VCL: variants seen among roughly 807,000 people sequenced by gnomAD.
The protein encoded by VCL is vinculin.
VCL carries 47 observed loss-of-function variants against 125.7 expected under a neutral mutation model. The observed-to-expected ratio is 0.37, with a 90% confidence interval of 0.30 to 0.48. The LOEUF (loss-of-function observed/expected upper bound fraction) is 0.48. Ranked by LOEUF, VCL falls within the 20% of genes least tolerant of loss-of-function variation. The pLI, the probability that VCL is intolerant of heterozygous loss-of-function variation, is 0.99. For missense variants in VCL, 1,069 were observed against 1,455.5 expected, an observed-to-expected ratio of 0.73 and a Z score of 4.32; for synonymous variants, 458 against 514.6, an observed-to-expected ratio of 0.89 and a Z score of 1.49.
At position 74,016,136 on chromosome 10, in the gene VCL, GAC is replaced by G. The variant is rs1310365294; in HGVS notation, c.168+17763_168+17764del. 1.9e-4 allele frequency among the ~76,000 whole-genome samples: 29 copies of G among 152,048 alleles called. No individual in the cohort carries two copies. In the East Asian group the frequency reaches 5.2e-3, roughly 27 times the overall value. On this transcript the variant is annotated intron_variant, in intron 1 of 21. Coordinates refer to ENST00000211998, the MANE Select transcript of VCL (RefSeq NM_014000.3). ...ATGAGCCACCACATCCAGCCTAAATGACAGTCTTTTTCCCTTCTATAATTCCC... is the reference window on the plus strand; with the variant it reads ...ATGAGCCACCACATCCAGCCTAAATGAGTCTTTTTCCCTTCTATAATTCCC...
rs781079975 is a variant in VCL at position 74,094,452 on chromosome 10, C to T, written c.1534C>T (p.Arg512Cys). Reference sequence around the variant, plus strand: ...GATTGATAATCCCACAGTGGATGACCGTGGAGTCGGTAAGGGCAGCAGTGC... The same window carrying T: ...GATTGATAATCCCACAGTGGATGACTGTGGAGTCGGTAAGGGCAGCAGTGC... ...RWIDNPTVDD[R>C]GVGQAAIRGL... The change falls in exon 11 of 22, where the codon CGT becomes TGT. Residue 512 changes from arginine (R) to cysteine (C), a missense_variant. Arg to Cys is a radical substitution (Grantham distance 180, BLOSUM62 -3). Coordinates refer to ENST00000211998, the MANE Select transcript of VCL (RefSeq NM_014000.3). 81 of 1,613,564 alleles carry T rather than the reference C, an allele frequency of 5.0e-5. No homozygotes were observed. Among genetic ancestry groups the T allele is most frequent in the Admixed American group, 1.7e-4 (10 of 59,918 alleles).
At chr10:74,095,898 T>C in intron 12 of VCL, 43 bp downstream of exon 12, 1 of 1,600,712 alleles carries the variant, frequency 6.2e-7, no homozygotes, top group Non-Finnish European at 8.5e-7. Context: ...TTATGCTTCC[T>C]ATTATTGAAA....
rs144683137 is a variant in VCL, at chr10:74,074,745, A to G, written c.625A>G (p.Met209Val). 3.1e-6 allele frequency: 5 copies of G among 1,613,008 alleles called. No homozygotes were observed. Among genetic ancestry groups the G allele is most frequent in the Admixed American group, 3.3e-5 (2 of 59,800 alleles). ...KELLPVLISAMKIFVTTKNSK... is the reference protein window; with the variant it reads ...KELLPVLISAVKIFVTTKNSK... ...TTTCTGATCTTTTATTTTTACAGCT[A>G]TGAAGATTTTTGTAACAACTAAAAA... Residue 209 changes from methionine (M) to valine (V), a missense_variant and splice_region_variant, in exon 6 of 22, where the codon ATG becomes GTG. This residue lies in a region of VCL where 760 missense variants were observed against 928.9 expected (regional missense o/e 0.82). Transcript: ENST00000211998.
rs925809522 is a variant in VCL at position 74,071,097 on chromosome 10, A to G, written c.499+14A>G. The stretch of plus-strand genomic sequence containing the variant: ...ATCTTGGGCCAGGTTAGTTTTATCC[A>G]ATTTCTATAACATTTTTTAAGGATT... On this transcript the variant is annotated intron_variant, in intron 4 of 21. Coordinates refer to ENST00000211998, the MANE Select transcript of VCL (RefSeq NM_014000.3). The surrounding 1 kb of genome is among the most constrained non-coding windows in gnomAD (Gnocchi z 4.1). 1 of 1,610,638 alleles carries G rather than the reference A, an allele frequency of 6.2e-7. No homozygotes were observed.
intron 1 of VCL, among the ~76,000 whole-genome samples, chr10:74,037,207 G>T (rs1294641664): frequency 1.3e-5 from 2 of 152,194 alleles, no homozygotes; most frequent in Non-Finnish European, 2.9e-5. Flanking sequence ...ACAGGCGTAA[G>T]CCACCACGGC....
intron 1 of VCL, among the ~76,000 whole-genome samples, chr10:74,023,962 A>C (rs11000854): frequency 0.093 from 14,178 of 152,278 alleles, 937 homozygotes; most frequent in Non-Finnish European, 0.14. Flanking sequence ...TAGTCACACT[A>C]AATTGTGTTT....
intron 1 of VCL, among the ~76,000 whole-genome samples, chr10:74,009,871 G>A (rs960954704): frequency 2.6e-5 from 4 of 151,978 alleles, no homozygotes; most frequent in Non-Finnish European, 5.9e-5. Context: ...GCCTCCCAAA[G>A]TGTTGGGATT....
At chr10:74,020,395 C>A (rs1565635613) in intron 1 of VCL, among the ~76,000 whole-genome samples, 2 of 152,098 alleles carry the variant, frequency 1.3e-5, no homozygotes, top group Non-Finnish European at 2.9e-5. Context: ...ATGGATCCAC[C>A]TAGAGAGATG....
chr10:74,060,587 C>A (rs535454969), intron 2 of VCL, among the ~76,000 whole-genome samples: 2 of 140,182 alleles, frequency 1.4e-5, no homozygotes, highest in South Asian at 2.2e-4. Context: ...GCCCAGGGAA[C>A]GGAGGTTGCT....
Position 73,998,144 on chromosome 10 carries a change from G to A in VCL, c.-64G>A. The A allele has an allele frequency of 1.9e-6, 3 of 1,581,024 alleles. No homozygotes were observed. The highest frequency in any genetic ancestry group is 2.6e-6 in the Non-Finnish European group (3 of 1,164,074). ...CGCTGCACAGTCTGTCTCTTCGCCG[G>A]TTCCCGGCCCCGTGGATCCTACTTC... On this transcript the variant is annotated 5_prime_UTR_variant, in exon 1 of 22. Coordinates refer to ENST00000211998, the MANE Select transcript of VCL (RefSeq NM_014000.3).
intron 10 of VCL, among the ~76,000 whole-genome samples, chr10:74,091,403 A>G (rs2131910518): frequency 6.6e-6 from 1 of 152,344 alleles, no homozygotes; most frequent in Non-Finnish European, 1.5e-5. Context: ...AGTAGCCACG[A>G]TCAGAATCAT....
At chr10:74,030,812 T>G (rs968738037) in intron 1 of VCL, among the ~76,000 whole-genome samples, 3 of 152,230 alleles carry the variant, frequency 2.0e-5, no homozygotes, top group Admixed American at 6.5e-5. Flanking sequence ...TGTTCCATTA[T>G]TGGAACGCTA....
chr10:74,032,779 G>A (rs886675570), intron 1 of VCL, among the ~76,000 whole-genome samples: 9 of 151,430 alleles, frequency 5.9e-5, no homozygotes, highest in African/African-American at 2.2e-4. Flanking sequence ...TATATAAATG[G>A]TCAATACACC....
At chr10:74,117,999 C>T (rs778209389) in intron 21 of VCL, 24 bp from the exon 22 acceptor site, 88 of 1,613,468 alleles carry the variant, frequency 5.5e-5, no homozygotes, top group African/African-American at 1.5e-4. Flanking sequence ...CCCTGGGTAA[C>T]GGAAAGTACC....
chr10:74,083,664 G>A (rs1839716960), intron 8 of VCL, 151 bp downstream of exon 8: 1 of 935,200 alleles, frequency 1.1e-6, no homozygotes, highest in Non-Finnish European at 1.6e-6. Context: ...TGAGATGGAG[G>A]TGAACTTTCC....
At chr10:74,056,418 A>G (rs2136260699) in intron 2 of VCL, among the ~76,000 whole-genome samples, 1 of 152,224 alleles carries the variant, frequency 6.6e-6, no homozygotes, top group East Asian at 1.9e-4. Flanking sequence ...GGGTGTACTC[A>G]TGCAGTGTCC....
At chr10:74,120,666 C>T (rs6480717), downstream of VCL, 80,649 of 152,104 alleles carry the variant, frequency 0.53, 22,350 homozygotes, top group Middle Eastern at 0.62. Flanking sequence ...TACAGGTGTG[C>T]GCCACCATGC....
chr10:74,001,395 G>A (rs567822588), intron 1 of VCL, among the ~76,000 whole-genome samples: 220 of 152,238 alleles, frequency 1.4e-3, no homozygotes, highest in African/African-American at 4.9e-3. Flanking sequence ...GAATCCCTGG[G>A]CTCAAGCAAT....
In VCL at chr10:74,082,410, T is replaced by C. The variant is rs750823960; in HGVS notation, c.784-44T>C. On this transcript the variant is annotated intron_variant, in intron 6 of 21. Transcript: ENST00000211998. ...CTGTCTTACGTTCTATCATGGTATC[T>C]CAACTTTTGCAAAGAAAATAATGGT... 8.7e-6 allele frequency: 14 copies of C among 1,606,960 alleles called. No individual in the cohort carries two copies. The Admixed American group carries it at 2.0e-4, about 23-fold the overall frequency.
Sources: gnomAD v4.1 joint callset for allele counts (sites outside exome capture counted in the v4.1 genomes callset) on GRCh38, gnomAD v4.1.1 for gene constraint, gnomAD v4.1.1 regional missense constraint, Gnocchi (gnomAD v3.1) non-coding constraint, MANE v1.5 for transcripts, NCBI Gene and HGNC (gene_info 2026-07-23, HGNC 2026-07-21) for gene names.